The following PTPRT variants were observed in gnomAD, a reference collection of about 807,000 sequenced individuals.
PTPRT encodes the protein receptor-type tyrosine-protein phosphatase T.
In PTPRT, 56 loss-of-function variants were observed where a neutral mutation model predicts 176.8. The ratio of observed to expected loss-of-function variants is 0.32; its 90% CI spans 0.26 to 0.40. The LOEUF (loss-of-function observed/expected upper bound fraction) is 0.40, where lower values mean the gene tolerates loss of function less well. PTPRT is among the 10% of genes least tolerant of loss of function. The pLI is 1.00. For synonymous variants in PTPRT, 783 were observed against 739.0 expected (o/e 1.06, Z -0.96); for missense variants, 1,540 against 1,908.2 (o/e 0.81, Z 3.60).
At chr20:42,719,677 T>C (rs2076277297) in intron 6 of PTPRT, among the ~76,000 whole-genome samples, 1 of 152,226 alleles carries the variant, frequency 6.6e-6, no homozygotes, top group South Asian at 2.1e-4. Context: ...GTGAAAGGTC[T>C]ATGGTCATGG....
intron 7 of PTPRT, among the ~76,000 whole-genome samples, chr20:42,509,529 T>G (rs958733060): frequency 2.0e-5 from 3 of 146,536 alleles, no homozygotes; most frequent in Non-Finnish European, 4.5e-5. Flanking sequence ...TTTATAGATA[T>G]ATAAATTAAT....
chr20:42,176,752 T>C (rs1477043138), intron 16 of PTPRT, among the ~76,000 whole-genome samples: 2 of 152,230 alleles, frequency 1.3e-5, no homozygotes, highest in Non-Finnish European at 2.9e-5. Context: ...GACAGGTTTT[T>C]ACAATCTTCA....
At chr20:42,099,604 C>G (rs1985722735) in intron 26 of PTPRT, among the ~76,000 whole-genome samples, 1 of 138,660 alleles carries the variant, frequency 7.2e-6, no homozygotes. Flanking sequence ...TTTATTTTCT[C>G]CCCACCCTGA....
chr20:42,680,126 G>T (rs1234546330), intron 6 of PTPRT, among the ~76,000 whole-genome samples: 1 of 152,182 alleles, frequency 6.6e-6, no homozygotes, highest in African/African-American at 2.4e-5. Flanking sequence ...TCAGGTAAGG[G>T]CTTTGAGATA....
intron 1 of PTPRT, among the ~76,000 whole-genome samples, chr20:42,949,329 C>G (rs564409633): frequency 6.6e-6 from 1 of 152,294 alleles, no homozygotes; most frequent in East Asian, 1.9e-4. Flanking sequence ...ACAACATCTG[C>G]TGCCACTGAA....
chr20:43,003,474 T>C (rs1317898562), intron 1 of PTPRT, among the ~76,000 whole-genome samples: 1 of 152,224 alleles, frequency 6.6e-6, no homozygotes, highest in Non-Finnish European at 1.5e-5. Flanking sequence ...AGTGCTCGGA[T>C]TATAGGCTTG....
chr20:42,065,878 A>T, the PTPRT span, among the ~76,000 whole-genome samples: 2 of 152,174 alleles, frequency 1.3e-5, no homozygotes, highest in South Asian at 4.2e-4. Flanking sequence ...TTAATAGCTT[A>T]TTGAGGCCAT....
At chr20:42,554,024 G>T (rs543371189) in intron 7 of PTPRT, among the ~76,000 whole-genome samples, 1 of 152,206 alleles carries the variant, frequency 6.6e-6, no homozygotes, top group South Asian at 2.1e-4. Context: ...GAAAAGGCCT[G>T]GGTGTTCCTT....
At chr20:42,781,114 T>C (rs1345394712) in intron 3 of PTPRT, among the ~76,000 whole-genome samples, 1 of 152,084 alleles carries the variant, frequency 6.6e-6, no homozygotes, top group African/African-American at 2.4e-5. Flanking sequence ...CCTCTTGACC[T>C]GCTCCTCAGG....
At position 42,400,814 on chromosome 20, in the gene PTPRT, A is replaced by G. The variant is rs1413027481; in HGVS notation, c.1560+47406T>C. ...GGTAGTGTGACATGATCAAATGCAC[A>G]TCTTGGAAAGTTGGTAGCAACCTTG... is the stretch of plus-strand genomic sequence containing the variant. On this transcript the variant is annotated intron_variant, in intron 9 of 30. Transcript: ENST00000373187. Among the ~76,000 whole-genome samples, 3 of 152,186 alleles carry G rather than the reference A, an allele frequency of 2.0e-5. No homozygotes were observed. In the East Asian group the frequency reaches 5.8e-4, roughly 29 times the overall value.
chr20:43,131,287 C>A (rs2013638717), intron 1 of PTPRT, among the ~76,000 whole-genome samples: 1 of 152,204 alleles, frequency 6.6e-6, no homozygotes, highest in South Asian at 2.1e-4. Flanking sequence ...CTTCCAAGGA[C>A]AAGCTTCAAA....
intron 1 of PTPRT, among the ~76,000 whole-genome samples, chr20:43,096,536 C>G (rs1426215671): frequency 6.6e-6 from 1 of 152,230 alleles, no homozygotes; most frequent in Non-Finnish European, 1.5e-5. Context: ...GGGCTCCTGA[C>G]AGAGGGGGTT....
intron 27 of PTPRT, among the ~76,000 whole-genome samples, chr20:42,089,643 T>C (rs996739441): frequency 6.6e-6 from 1 of 152,088 alleles, no homozygotes; most frequent in African/African-American, 2.4e-5. Flanking sequence ...TTTCTAATCC[T>C]AAATCAGAGT....
At chr20:42,046,254 A>G in the PTPRT span, among the ~76,000 whole-genome samples, 1 of 152,160 alleles carries the variant, frequency 6.6e-6, no homozygotes, top group Non-Finnish European at 1.5e-5. Flanking sequence ...TCAAGGACTC[A>G]AGACTCCAGG....
intron 15 of PTPRT, among the ~76,000 whole-genome samples, chr20:42,229,745 G>T (rs1468043136): frequency 6.6e-6 from 1 of 152,204 alleles, no homozygotes; most frequent in Non-Finnish European, 1.5e-5. Flanking sequence ...TTCAGAAAAA[G>T]TTGAGTGGCT....
chr20:42,935,076 CAA>C (rs540997646), intron 1 of PTPRT, among the ~76,000 whole-genome samples: 4 of 51,782 alleles, frequency 7.7e-5, no homozygotes, highest in Admixed American at 4.8e-4. Flanking sequence ...GACTTCATCT[CAA>C]AAAAAAAAAA....
At chr20:42,672,132 G>A (rs1345304425) in intron 7 of PTPRT, among the ~76,000 whole-genome samples, 2 of 152,192 alleles carry the variant, frequency 1.3e-5, no homozygotes, top group Admixed American at 6.5e-5. Flanking sequence ...CATTGTTCCT[G>A]GGTATGTCTG....
chr20:42,966,661 T>A (rs1409380508), intron 1 of PTPRT, among the ~76,000 whole-genome samples: 1 of 152,130 alleles, frequency 6.6e-6, no homozygotes, highest in African/African-American at 2.4e-5. Context: ...GTGAACCACA[T>A]CAAAATGGTG....
At chr20:42,314,342 C>G (rs2057682327) in intron 12 of PTPRT, among the ~76,000 whole-genome samples, 1 of 151,920 alleles carries the variant, frequency 6.6e-6, no homozygotes, top group East Asian at 1.9e-4. Flanking sequence ...TCCTGGCTAA[C>G]ACGGTAAAAC....
Sources: gnomAD v4.1 joint callset for allele counts (sites outside exome capture counted in the v4.1 genomes callset) on GRCh38, gnomAD v4.1.1 for gene constraint, MANE v1.5 for transcripts, NCBI Gene and HGNC (gene_info 2026-07-23, HGNC 2026-07-21) for gene names.